GALNT13: variants seen among roughly 807,000 people sequenced by gnomAD.
GALNT13 encodes polypeptide N-acetylgalactosaminyltransferase 13, also known as UDP-GalNAc:polypeptide N-acetylgalactosaminyltransferase 13.
Under a neutral mutation model 64.2 loss-of-function variants are expected in GALNT13, and 28 were observed. The ratio of observed to expected loss-of-function variants is 0.44; its 90% CI spans 0.32 to 0.60. GALNT13 has a LOEUF of 0.60. Ranked by LOEUF, GALNT13 falls within the 20% of genes least tolerant of loss-of-function variation. The pLI, the probability that GALNT13 is intolerant of heterozygous loss-of-function variation, is 0.05. For missense variants in GALNT13, 577 were observed against 669.8 expected, an observed-to-expected ratio of 0.86 and a Z score of 1.53; for synonymous variants, 214 against 224.6, an observed-to-expected ratio of 0.95 and a Z score of 0.42.
At chr2:153,345,719 G>GTCCGTCCGTCCGTCCT in the GALNT13 span, among the ~76,000 whole-genome samples, 7 of 79,976 alleles carry the variant, frequency 8.8e-5, 1 homozygote, top group Non-Finnish European at 7.5e-5. Flanking sequence ...CTCTCTTTCT[G>GTCCGTCCGTCCGTCCT]TCCTTCCTTC....
In GALNT13 at chr2:153,881,370, G is replaced by T. The variant is rs183389717; in HGVS notation, c.-177+9067G>T. Among the ~76,000 whole-genome samples, 301 of 152,268 alleles carry T rather than the reference G, an allele frequency of 2.0e-3. 2 individuals are homozygous for T. The highest frequency in any genetic ancestry group is 0.018 in the Admixed American group (268 of 15,284). ...TAATTTTAACAATTTATATTCTGTGGTACCCACTGTCAGACTTATGGATAG... is the reference window on the plus strand; with the variant it reads ...TAATTTTAACAATTTATATTCTGTGTTACCCACTGTCAGACTTATGGATAG... On this transcript the variant is annotated intron_variant, in intron 1 of 12. Coordinates refer to ENST00000392825, the MANE Select transcript of GALNT13 (RefSeq NM_052917.4).
intron 4 of GALNT13, among the ~76,000 whole-genome samples, chr2:154,199,141 C>G (rs940508172): frequency 2.0e-5 from 3 of 151,594 alleles, no homozygotes; most frequent in African/African-American, 7.3e-5. Context: ...AAGTAACATG[C>G]TTGTATTCTT....
chr2:154,173,374 T>C (rs1313086058), intron 4 of GALNT13, among the ~76,000 whole-genome samples: 1 of 149,364 alleles, frequency 6.7e-6, no homozygotes, highest in Non-Finnish European at 1.5e-5. Flanking sequence ...TTTAAATTTT[T>C]AAATTAAATT....
chr2:153,423,856 T>C, the GALNT13 span, among the ~76,000 whole-genome samples: 6 of 151,342 alleles, frequency 4.0e-5, no homozygotes, highest in Non-Finnish European at 7.4e-5. Context: ...TTATCTATAC[T>C]TTCAAAAAAA....
chr2:153,803,956 T>C, the GALNT13 span, among the ~76,000 whole-genome samples: 1 of 152,012 alleles, frequency 6.6e-6, no homozygotes, highest in African/African-American at 2.4e-5. Flanking sequence ...AATGAACAAA[T>C]AGAATTAATC....
At chr2:154,186,618 G>C (rs1003086090) in intron 4 of GALNT13, among the ~76,000 whole-genome samples, 12 of 152,044 alleles carry the variant, frequency 7.9e-5, no homozygotes, top group African/African-American at 2.9e-4. Flanking sequence ...TTTGAAACTA[G>C]TTGAGAAACT....
the GALNT13 span, among the ~76,000 whole-genome samples, chr2:153,554,897 AT>A: frequency 6.6e-6 from 1 of 152,004 alleles, no homozygotes; most frequent in Non-Finnish European, 1.5e-5. Flanking sequence ...ACGAGAGAAA[AT>A]TTTTTTAGTG....
intron 9 of GALNT13, among the ~76,000 whole-genome samples, chr2:154,385,868 T>C (rs1486728893): frequency 2.6e-5 from 4 of 152,000 alleles, no homozygotes; most frequent in African/African-American, 7.2e-5. Context: ...TTAGCAATAT[T>C]TGTCAGATAT....
chr2:154,032,849 A>G (rs1487913694), intron 3 of GALNT13, among the ~76,000 whole-genome samples: 1 of 145,038 alleles, frequency 6.9e-6, no homozygotes. Context: ...AACAAGGTAT[A>G]TGAACCTACA....
intron 3 of GALNT13, among the ~76,000 whole-genome samples, chr2:154,050,881 T>G (rs1699566794): frequency 6.6e-6 from 1 of 152,204 alleles, no homozygotes; most frequent in South Asian, 2.1e-4. Context: ...GTTTAAAGGA[T>G]TAAAAGAAAT....
intron 9 of GALNT13, among the ~76,000 whole-genome samples, chr2:154,342,689 A>T (rs1052712212): frequency 1.3e-5 from 2 of 152,052 alleles, no homozygotes; most frequent in Non-Finnish European, 2.9e-5. Context: ...GAATAAGTAC[A>T]ACAGAGACTA....
chr2:153,925,498 CT>C (rs35443709), intron 2 of GALNT13, among the ~76,000 whole-genome samples: 18,708 of 117,438 alleles, frequency 0.16, 1,904 homozygotes, highest in East Asian at 0.57. Flanking sequence ...AAGCCTCGAG[CT>C]TTTTTTTTTT....
chr2:153,615,736 C>G, the GALNT13 span, among the ~76,000 whole-genome samples: 3 of 151,884 alleles, frequency 2.0e-5, no homozygotes, highest in African/African-American at 7.2e-5. Flanking sequence ...TCTTTTAAAT[C>G]GAAATGGAGA....
At chr2:153,842,369 A>G in the GALNT13 span, among the ~76,000 whole-genome samples, 1 of 152,156 alleles carries the variant, frequency 6.6e-6, no homozygotes, top group African/African-American at 2.4e-5. Flanking sequence ...CAGGCTGGTG[A>G]GAAAAATATT....
At chr2:153,177,816 A>G in the GALNT13 span, among the ~76,000 whole-genome samples, 1 of 152,256 alleles carries the variant, frequency 6.6e-6, no homozygotes, top group East Asian at 1.9e-4. Context: ...GCAAAAGAAA[A>G]AACCCATTAT....
At chr2:153,283,680 C>T in the GALNT13 span, among the ~76,000 whole-genome samples, 2 of 151,572 alleles carry the variant, frequency 1.3e-5, no homozygotes, top group South Asian at 4.2e-4. Context: ...GTTCCACATG[C>T]CTGGAGATCT....
At chr2:154,056,267 T>A (rs1345148921) in intron 3 of GALNT13, among the ~76,000 whole-genome samples, 1 of 152,286 alleles carries the variant, frequency 6.6e-6, no homozygotes, top group South Asian at 2.1e-4. Context: ...AGTTTATTTT[T>A]AAAAAATCTT....
chr2:154,021,354 C>G (rs371565119), intron 3 of GALNT13, among the ~76,000 whole-genome samples: 3 of 152,080 alleles, frequency 2.0e-5, no homozygotes, highest in Non-Finnish European at 2.9e-5. Context: ...TCTTCCATTT[C>G]TTTGTGTCCT....
chr2:153,554,976 C>T, the GALNT13 span, among the ~76,000 whole-genome samples: 1 of 151,944 alleles, frequency 6.6e-6, no homozygotes, highest in Non-Finnish European at 1.5e-5. Flanking sequence ...GTCTGTATCC[C>T]CAGGCCTAAT....
Sources: allele counts gnomAD v4.1 joint callset (sites outside exome capture counted in the v4.1 genomes callset), GRCh38; gene constraint gnomAD v4.1.1; transcripts MANE v1.5; gene names NCBI Gene and HGNC (gene_info 2026-07-23, HGNC 2026-07-21).